The following ALX4 variants were observed in gnomAD, a reference collection of about 807,000 sequenced individuals.
The protein encoded by ALX4 is ALX homeobox 4, also known as homeobox protein aristaless-like 4.
A neutral mutation model predicts 40.6 loss-of-function variants in ALX4; 22 were observed. That is an observed-to-expected ratio of 0.54 (90% CI 0.39 to 0.77). The LOEUF (loss-of-function observed/expected upper bound fraction) is 0.77, where lower values mean the gene tolerates loss of function less well. Ranked by LOEUF, ALX4 falls within the 30% of genes least tolerant of loss-of-function variation. ALX4 has a pLI of 0.00. For missense variants in ALX4, 556 were observed against 564.8 expected (o/e 0.98, Z 0.16); for synonymous variants, 266 against 240.5 (o/e 1.11, Z -0.98).
At chr11:44,288,437 G>A (rs978528020) in intron 1 of ALX4, among the ~76,000 whole-genome samples, 1 of 152,136 alleles carries the variant, frequency 6.6e-6, no homozygotes, top group African/African-American at 2.4e-5. Context: ...AAAGGTATGT[G>A]GACTAATGGA....
intron 1 of ALX4, among the ~76,000 whole-genome samples, chr11:44,301,677 T>C (rs984533644): frequency 6.6e-6 from 1 of 151,980 alleles, no homozygotes; most frequent in African/African-American, 2.4e-5. Flanking sequence ...AGCGGGTGAG[T>C]GGATTGGATT....
rs371338431 is a variant in ALX4, at chr11:44,309,877, G to A, written c.186C>T (p.Ser62=). ...GCTGCCCAGCGCCGTAACGGGCCCGGCTCTTGGCGTCCCCGAATCCCTGTG... is the reference window on the plus strand; with the variant it reads ...GCTGCCCAGCGCCGTAACGGGCCCGACTCTTGGCGTCCCCGAATCCCTGTG... ...AKAQGFGDAK[S]RARYGAGQQD... Residue 62 remains serine (S), a synonymous_variant, in exon 1 of 4, where the codon AGC becomes AGT. Coordinates refer to ENST00000652299, the MANE Select transcript of ALX4 (RefSeq NM_021926.4). 19 of 1,574,296 alleles carry A rather than the reference G, an allele frequency of 1.2e-5. No individual in the cohort carries two copies. Among genetic ancestry groups the A allele is most frequent in the Non-Finnish European group, 1.5e-5 (17 of 1,159,342 alleles).
At chr11:44,296,045 G>A (rs762062754) in intron 1 of ALX4, among the ~76,000 whole-genome samples, 3 of 152,172 alleles carry the variant, frequency 2.0e-5, no homozygotes, top group Admixed American at 6.5e-5. Flanking sequence ...GGAGATGAAC[G>A]GATGGCCTAC....
At chr11:44,299,342 T>C (rs1419069246) in intron 1 of ALX4, among the ~76,000 whole-genome samples, 2 of 150,646 alleles carry the variant, frequency 1.3e-5, no homozygotes, top group African/African-American at 4.9e-5. Context: ...GAAGAACGCT[T>C]TGGGGGCCAT....
intron 1 of ALX4, among the ~76,000 whole-genome samples, chr11:44,282,916 T>C (rs1399152777): frequency 2.0e-5 from 3 of 152,212 alleles, no homozygotes; most frequent in Non-Finnish European, 4.4e-5. Context: ...AATCTATACA[T>C]GAGTGTGTTA....
chr11:44,292,501 G>A (rs555439351), intron 1 of ALX4, among the ~76,000 whole-genome samples: 3 of 151,130 alleles, frequency 2.0e-5, no homozygotes, highest in Non-Finnish European at 4.4e-5. Flanking sequence ...ATACAGGCAT[G>A]AGCCACCATG....
At chr11:44,268,175 G>C (rs1332082701) in intron 2 of ALX4, among the ~76,000 whole-genome samples, 1 of 152,180 alleles carries the variant, frequency 6.6e-6, no homozygotes, top group Non-Finnish European at 1.5e-5. Flanking sequence ...GGGAGAACAG[G>C]GGCTCTGCTG....
rs1431212237 is a variant in ALX4 at position 44,276,799 on chromosome 11, T to C, written c.467-1141A>G. Among the ~76,000 whole-genome samples, 5 of 152,130 alleles carry C rather than the reference T, an allele frequency of 3.3e-5. No individual in the cohort carries two copies. In the East Asian group the frequency reaches 9.7e-4, roughly 29 times the overall value. ...TCTCTTAAGGAGCACGCAACCTAGA[T>C]CCCTCACATGCATGGTTCACAGTAG... On this transcript the variant is annotated intron_variant, in intron 1 of 3. Transcript: ENST00000652299.
chr11:44,287,623 AAAC>A (rs1286571841), intron 1 of ALX4, among the ~76,000 whole-genome samples: 2 of 151,576 alleles, frequency 1.3e-5, no homozygotes, highest in East Asian at 3.9e-4. Context: ...AAAGAAAAGA[AAAC>A]AAAAAACTGG....
intron 2 of ALX4, among the ~76,000 whole-genome samples, chr11:44,267,968 G>A (rs1956223155): frequency 6.6e-6 from 1 of 152,230 alleles, no homozygotes. Flanking sequence ...CTCCTGTGGA[G>A]AAGCTGATAA....
chr11:44,298,446 A>T (rs894879120), intron 1 of ALX4, among the ~76,000 whole-genome samples: 6 of 152,148 alleles, frequency 3.9e-5, no homozygotes, highest in Admixed American at 1.3e-4. Flanking sequence ...AGGGTGGAGG[A>T]TGAGTGAATG....
At chr11:44,305,594 A>G (rs1240906330) in intron 1 of ALX4, among the ~76,000 whole-genome samples, 2 of 152,154 alleles carry the variant, frequency 1.3e-5, no homozygotes, top group Non-Finnish European at 2.9e-5. Context: ...CTAAATTCAA[A>G]TACGACCCCG....
intron 2 of ALX4, among the ~76,000 whole-genome samples, chr11:44,268,788 G>T (rs752169468): frequency 6.6e-6 from 1 of 152,194 alleles, no homozygotes; most frequent in African/African-American, 2.4e-5. Flanking sequence ...GAGATGGACC[G>T]TGGTGCTCCT....
At chr11:44,289,776 G>C (rs1032485025) in intron 1 of ALX4, among the ~76,000 whole-genome samples, 3 of 152,118 alleles carry the variant, frequency 2.0e-5, no homozygotes, top group African/African-American at 7.2e-5. Flanking sequence ...GCTTCAGTCT[G>C]GGCTCTAAGT....
intron 1 of ALX4, among the ~76,000 whole-genome samples, chr11:44,295,918 T>A (rs957090990): frequency 6.6e-6 from 1 of 152,226 alleles, no homozygotes; most frequent in African/African-American, 2.4e-5. Flanking sequence ...ACTGTGGCTC[T>A]AGAGTCCTCG....
At chr11:44,284,178 A>G (rs888041700) in intron 1 of ALX4, among the ~76,000 whole-genome samples, 6 of 148,014 alleles carry the variant, frequency 4.1e-5, no homozygotes, top group Non-Finnish European at 7.4e-5. Context: ...AGAAGTGGCA[A>G]TATGGGTCTA....
intron 1 of ALX4, among the ~76,000 whole-genome samples, chr11:44,276,171 C>A: frequency 6.6e-6 from 1 of 152,218 alleles, no homozygotes; most frequent in East Asian, 1.9e-4. Context: ...CTAGTCCCAC[C>A]AGGAGTTCAG....
chr11:44,290,170 C>T (rs932254218), intron 1 of ALX4, among the ~76,000 whole-genome samples: 14 of 152,230 alleles, frequency 9.2e-5, no homozygotes, highest in African/African-American at 3.1e-4. Context: ...ACTTAATTCC[C>T]CCAAGCCTCT....
chr11:44,271,753 A>G (rs1050383009), intron 2 of ALX4, among the ~76,000 whole-genome samples: 2 of 152,132 alleles, frequency 1.3e-5, no homozygotes, highest in Admixed American at 6.5e-5. Flanking sequence ...TTTTAGTTGT[A>G]TGGTGGCAAC....
Sources: gnomAD v4.1 joint callset for allele counts (sites outside exome capture counted in the v4.1 genomes callset) on GRCh38, gnomAD v4.1.1 for gene constraint, MANE v1.5 for transcripts, NCBI Gene and HGNC (gene_info 2026-07-23, HGNC 2026-07-21) for gene names.